The following PLCL1 variants were observed in gnomAD, a reference collection of about 807,000 sequenced individuals.
PLCL1 encodes phospholipase C like 1 (inactive).
PLCL1 carries 41 observed loss-of-function variants against 84.4 expected under a neutral mutation model. The ratio of observed to expected loss-of-function variants is 0.49; its 90% CI spans 0.38 to 0.63. PLCL1 has a LOEUF of 0.63. PLCL1 is among the 30% of genes least tolerant of loss of function. The pLI, the probability that PLCL1 is intolerant of heterozygous loss-of-function variation, is 0.00. For synonymous variants in PLCL1, 490 were observed against 488.3 expected (o/e 1.00, Z -0.05); for missense variants, 1,206 against 1,367.8 (o/e 0.88, Z 1.87).
chr2:197,832,197 A>G (rs1344652392), intron 1 of PLCL1, among the ~76,000 whole-genome samples: 3 of 152,224 alleles, frequency 2.0e-5, no homozygotes, highest in Non-Finnish European at 4.4e-5. Context: ...AACCCTTCAA[A>G]AAATCAATGA....
At chr2:198,105,755 A>G (rs946262106) in intron 5 of PLCL1, among the ~76,000 whole-genome samples, 3 of 151,886 alleles carry the variant, frequency 2.0e-5, no homozygotes, top group East Asian at 1.9e-4. Flanking sequence ...GAGACAAAGT[A>G]CAAAATATCT....
rs909454544 is a variant in PLCL1 at position 197,923,617 on chromosome 2, G to T, written c.240+118278G>T. Among the ~76,000 whole-genome samples the T allele has an allele frequency of 1.9e-4, 28 of 148,070 alleles. No individual in the cohort carries two copies. The East Asian group carries it at 5.4e-3, about 28-fold the overall frequency. On this transcript the variant is annotated intron_variant, in intron 1 of 5. Transcript: ENST00000428675. Reference sequence around the variant, plus strand: ...GATGTGATGGCGGCTGGGAAGAGGCGCTCCTCACTTCCTAGATGGGATGGC... The same window carrying T: ...GATGTGATGGCGGCTGGGAAGAGGCTCTCCTCACTTCCTAGATGGGATGGC...
chr2:197,982,633 A>T (rs527661551), intron 1 of PLCL1, among the ~76,000 whole-genome samples: 83 of 152,334 alleles, frequency 5.4e-4, no homozygotes, highest in African/African-American at 2.0e-3. Context: ...TTATGGGTGC[A>T]CTTACATATG....
intron 1 of PLCL1, among the ~76,000 whole-genome samples, chr2:197,811,924 T>C (rs1276555312): frequency 6.6e-6 from 1 of 152,176 alleles, no homozygotes; most frequent in Non-Finnish European, 1.5e-5. Flanking sequence ...CTAGTAAGCA[T>C]AGTACCCAAT....
intron 1 of PLCL1, among the ~76,000 whole-genome samples, chr2:197,833,893 T>A (rs1691125044): frequency 6.6e-6 from 1 of 152,200 alleles, no homozygotes; most frequent in Non-Finnish European, 1.5e-5. Context: ...GCTGGAGGCA[T>A]CATGCTACCT....
chr2:198,050,914 G>A lies in PLCL1; in HGVS notation c.241-32844G>A, dbSNP rs537896449. On this transcript the variant is annotated intron_variant, in intron 1 of 5. Transcript: ENST00000428675. ...TCCAGTCAGCACCTTCGTGAGCTGT[G>A]TTTGATTTTCTGAAATTGGGTTTCC... Among the ~76,000 whole-genome samples the A allele has an allele frequency of 2.3e-4, 35 of 152,312 alleles. No individual in the cohort carries two copies. The South Asian group carries it at 2.7e-3, about 12-fold the overall frequency.
chr2:197,999,748 G>T (rs954127833), intron 1 of PLCL1, among the ~76,000 whole-genome samples: 1 of 152,174 alleles, frequency 6.6e-6, no homozygotes, highest in African/African-American at 2.4e-5. Flanking sequence ...GATGGACCAT[G>T]AAATTTAAAT....
intron 5 of PLCL1, among the ~76,000 whole-genome samples, chr2:198,113,263 C>A (rs11681576): frequency 0.4 from 61,193 of 151,810 alleles, 13,347 homozygotes; most frequent in South Asian, 0.62. Flanking sequence ...AATGAGGCTT[C>A]TAATCCATAA....
chr2:198,098,415 T>C (rs1693252242), intron 3 of PLCL1, among the ~76,000 whole-genome samples: 1 of 152,220 alleles, frequency 6.6e-6, no homozygotes, highest in South Asian at 2.1e-4. Flanking sequence ...CTTAATTTGA[T>C]GAATGTTACT....
intron 1 of PLCL1, among the ~76,000 whole-genome samples, chr2:198,028,702 G>A (rs989887179): frequency 6.6e-6 from 1 of 152,104 alleles, no homozygotes; most frequent in Non-Finnish European, 1.5e-5. Flanking sequence ...GGGGAGAAGG[G>A]TATTTATTGC....
chr2:198,023,029 T>A (rs930977437), intron 1 of PLCL1, among the ~76,000 whole-genome samples: 4 of 152,194 alleles, frequency 2.6e-5, no homozygotes, highest in African/African-American at 9.7e-5. Flanking sequence ...CAAAATAGCA[T>A]GGTGCTGGTA....
chr2:197,923,101 C>T (rs1338380711), intron 1 of PLCL1, among the ~76,000 whole-genome samples: 4 of 141,712 alleles, frequency 2.8e-5, no homozygotes, highest in Non-Finnish European at 6.2e-5. Context: ...ACCTCCCTAC[C>T]GGACGGGGCG....
intron 1 of PLCL1, among the ~76,000 whole-genome samples, chr2:198,010,148 G>C (rs755176639): frequency 6.6e-6 from 1 of 151,880 alleles, no homozygotes; most frequent in Non-Finnish European, 1.5e-5. Flanking sequence ...CAAATTTTAG[G>C]CTTTTTATTT....
Position 197,804,825 on chromosome 2 carries a change from C to T in PLCL1, c.-275C>T. On this transcript the variant is annotated 5_prime_UTR_variant, in exon 1 of 6. Transcript: ENST00000428675. ...CTCCCTCTCTTTTTCGCCTCTCCTTCTGCCTCCCGCTCACATCGCCTCCCC... is the reference window on the plus strand; with the variant it reads ...CTCCCTCTCTTTTTCGCCTCTCCTTTTGCCTCCCGCTCACATCGCCTCCCC... The T allele has an allele frequency of 2.7e-6, 1 of 374,590 alleles. No individual in the cohort carries two copies. Among genetic ancestry groups the T allele is most frequent in the East Asian group, 4.3e-5 (1 of 23,236 alleles). 23.2% of individuals were successfully genotyped at this position (374,590 alleles called of 1,614,324 possible).
chr2:198,124,529 G>T (rs1409675189), intron 5 of PLCL1, among the ~76,000 whole-genome samples: 1 of 152,042 alleles, frequency 6.6e-6, no homozygotes, highest in Non-Finnish European at 1.5e-5. Context: ...GAGGTTTCTT[G>T]GGGGTGGTTA....
At chr2:198,033,107 C>A (rs930281885) in intron 1 of PLCL1, among the ~76,000 whole-genome samples, 2 of 152,132 alleles carry the variant, frequency 1.3e-5, no homozygotes, top group Non-Finnish European at 2.9e-5. Flanking sequence ...AAATGTGATT[C>A]TTATAAATGG....
chr2:197,919,710 T>G (rs1378701077), intron 1 of PLCL1, among the ~76,000 whole-genome samples: 2 of 152,202 alleles, frequency 1.3e-5, no homozygotes, highest in Non-Finnish European at 2.9e-5. Context: ...GTACAAGGTT[T>G]GCTACATTTC....
At chr2:198,020,785 A>C (rs772833090) in intron 1 of PLCL1, among the ~76,000 whole-genome samples, 10 of 152,166 alleles carry the variant, frequency 6.6e-5, no homozygotes, top group Non-Finnish European at 1.5e-4. Context: ...TTAGCCTCCC[A>C]CACAGTACTA....
chr2:197,818,198 T>C (rs2106417489), intron 1 of PLCL1, among the ~76,000 whole-genome samples: 1 of 152,164 alleles, frequency 6.6e-6, no homozygotes, highest in South Asian at 2.1e-4. Context: ...ATTGTAGAAG[T>C]TGGTGTACTA....
Sources: gnomAD v4.1 joint callset for allele counts (sites outside exome capture counted in the v4.1 genomes callset) on GRCh38, gnomAD v4.1.1 for gene constraint, MANE v1.5 for transcripts, NCBI Gene and HGNC (gene_info 2026-07-23, HGNC 2026-07-21) for gene names.